Variants in CNTNAP2 observed in about 807,000 individuals in gnomAD.
The protein encoded by CNTNAP2 is contactin associated protein 2.
A neutral mutation model predicts 155.2 loss-of-function variants in CNTNAP2; 98 were observed. The observed-to-expected ratio is 0.63, with a 90% CI of 0.54 to 0.75. CNTNAP2 has a LOEUF of 0.75. CNTNAP2 is among the 30% of genes least tolerant of loss of function. The probability of loss-of-function intolerance (pLI) is 0.00; values close to 1 mark genes in which losing one functional copy is unlikely to be tolerated. For missense variants in CNTNAP2, 1,727 were observed against 1,688.1 expected (o/e 1.02, Z -0.40); for synonymous variants, 651 against 631.2 (o/e 1.03, Z -0.47).
intron 3 of CNTNAP2, among the ~76,000 whole-genome samples, chr7:146,840,624 G>A (rs1215596202): frequency 6.6e-6 from 1 of 152,070 alleles, no homozygotes; most frequent in South Asian, 2.1e-4. Flanking sequence ...AGGAGGAAAG[G>A]GAGAGGATGA....
intron 6 of CNTNAP2, among the ~76,000 whole-genome samples, chr7:147,123,326 GA>G (rs1428860678): frequency 6.6e-6 from 1 of 152,184 alleles, no homozygotes; most frequent in Non-Finnish European, 1.5e-5. Flanking sequence ...GGAACATTAA[GA>G]ATGAAGAAAT....
At chr7:146,995,477 C>A (rs1798291761) in intron 3 of CNTNAP2, among the ~76,000 whole-genome samples, 1 of 152,056 alleles carries the variant, frequency 6.6e-6, no homozygotes, top group African/African-American at 2.4e-5. Context: ...TCTGTTTTCT[C>A]CACATCCTTG....
At chr7:147,560,642 G>A (rs1177159261) in intron 11 of CNTNAP2, among the ~76,000 whole-genome samples, 2 of 151,928 alleles carry the variant, frequency 1.3e-5, no homozygotes, top group Non-Finnish European at 2.9e-5. Flanking sequence ...AACAAACACG[G>A]TTTCGAAGGT....
At chr7:148,123,955 G>T (rs1235239586) in intron 16 of CNTNAP2, among the ~76,000 whole-genome samples, 2 of 152,324 alleles carry the variant, frequency 1.3e-5, no homozygotes, top group African/African-American at 2.4e-5. Context: ...AAAAAGTCAG[G>T]TATCACTAGG....
chr7:148,131,256 G>A (rs942312053), intron 16 of CNTNAP2, among the ~76,000 whole-genome samples: 2 of 151,590 alleles, frequency 1.3e-5, no homozygotes, highest in East Asian at 1.9e-4. Context: ...ACGCCACCAC[G>A]CCTCGCTAAT....
intron 1 of CNTNAP2, among the ~76,000 whole-genome samples, chr7:146,718,154 G>A (rs901449741): frequency 1.3e-5 from 2 of 152,038 alleles, no homozygotes; most frequent in South Asian, 2.1e-4. Context: ...TTTACCATAC[G>A]CATAGTTATA....
At chr7:147,802,735 A>G (rs1159816100) in intron 13 of CNTNAP2, among the ~76,000 whole-genome samples, 1 of 139,260 alleles carries the variant, frequency 7.2e-6, no homozygotes. Context: ...AGTACAGTCC[A>G]GCTTCCGCTC....
At chr7:146,556,285 G>A (rs1241912057) in intron 1 of CNTNAP2, among the ~76,000 whole-genome samples, 1 of 152,036 alleles carries the variant, frequency 6.6e-6, no homozygotes, top group African/African-American at 2.4e-5. Context: ...GGAAGTATAG[G>A]GGATTGCATC....
At chr7:147,593,824 G>A (rs1048046701) in intron 12 of CNTNAP2, among the ~76,000 whole-genome samples, 1 of 152,100 alleles carries the variant, frequency 6.6e-6, no homozygotes, top group Non-Finnish European at 1.5e-5. Flanking sequence ...CTGTTTCTTA[G>A]ACATTTTAAA....
chr7:146,678,634 T>C (rs922568591), intron 1 of CNTNAP2, among the ~76,000 whole-genome samples: 1 of 152,188 alleles, frequency 6.6e-6, no homozygotes. Context: ...TTAATGCTTA[T>C]GGACTTTTCA....
At chr7:147,457,555 G>A (rs1431295267) in intron 10 of CNTNAP2, among the ~76,000 whole-genome samples, 13 of 63,708 alleles carry the variant, frequency 2.0e-4, no homozygotes, top group Non-Finnish European at 2.7e-4. Flanking sequence ...TTCAAGATAT[G>A]AGAGGTTTTT....
At chr7:146,301,631 TAAC>T (rs71175645) in intron 1 of CNTNAP2, among the ~76,000 whole-genome samples, 160 of 151,494 alleles carry the variant, frequency 1.1e-3, no homozygotes, top group Middle Eastern at 3.4e-3. Context: ...GTCTCAACAA[TAAC>T]AACAACAACA....
intron 4 of CNTNAP2, among the ~76,000 whole-genome samples, chr7:147,088,462 A>C (rs1800327279): frequency 6.6e-6 from 1 of 152,208 alleles, no homozygotes; most frequent in African/African-American, 2.4e-5. Context: ...TTTAAATTTT[A>C]AGGTTTAAAG....
chr7:147,908,826 A>G (rs537279565), intron 14 of CNTNAP2, among the ~76,000 whole-genome samples: 34 of 152,356 alleles, frequency 2.2e-4, no homozygotes, highest in African/African-American at 7.5e-4. Flanking sequence ...ATCACAAAGC[A>G]TCATTGGATT....
At chr7:147,853,759 A>AT (rs1180959762) in intron 13 of CNTNAP2, among the ~76,000 whole-genome samples, 2 of 152,010 alleles carry the variant, frequency 1.3e-5, no homozygotes, top group African/African-American at 4.8e-5. Context: ...ATCTCTTGAT[A>AT]TTTTTTCTCA....
chr7:146,802,298 C>G (rs2129191772), intron 2 of CNTNAP2, among the ~76,000 whole-genome samples: 1 of 152,272 alleles, frequency 6.6e-6, no homozygotes, highest in African/African-American at 2.4e-5. Flanking sequence ...GAAATGAGGT[C>G]TCAGTTTTCT....
chr7:147,352,421 T>C (rs1478692198), intron 9 of CNTNAP2, among the ~76,000 whole-genome samples: 2 of 151,980 alleles, frequency 1.3e-5, no homozygotes, highest in Non-Finnish European at 2.9e-5. Flanking sequence ...TTTTTCTACC[T>C]CTAAACCTAA....
At chr7:146,550,868 A>G (rs1047508856) in intron 1 of CNTNAP2, among the ~76,000 whole-genome samples, 3 of 152,086 alleles carry the variant, frequency 2.0e-5, no homozygotes, top group Admixed American at 6.6e-5. Flanking sequence ...TATTCAGGGG[A>G]TGCTTCATGA....
chr7:147,141,138 G>A (rs868525501), intron 8 of CNTNAP2, among the ~76,000 whole-genome samples: 1 of 152,084 alleles, frequency 6.6e-6, no homozygotes, highest in Non-Finnish European at 1.5e-5. Flanking sequence ...TATACAAATG[G>A]TAAAGTCATT....
Sources: gnomAD v4.1 joint callset for allele counts (sites outside exome capture counted in the v4.1 genomes callset) on GRCh38, gnomAD v4.1.1 for gene constraint, MANE v1.5 for transcripts, NCBI Gene and HGNC (gene_info 2026-07-23, HGNC 2026-07-21) for gene names.